The following LAMA2 variants were observed in gnomAD, a reference collection of about 807,000 sequenced individuals.
LAMA2 encodes laminin subunit alpha-2.
A neutral mutation model predicts 364.8 loss-of-function variants in LAMA2; 269 were observed. The observed-to-expected ratio is 0.74, with a 90% CI of 0.67 to 0.82. The LOEUF (loss-of-function observed/expected upper bound fraction) is 0.82, where lower values mean the gene tolerates loss of function less well. LAMA2 is among the 40% of genes least tolerant of loss of function. LAMA2 has a pLI of 0.00. For synonymous variants in LAMA2, 1,379 were observed against 1,370.6 expected (o/e 1.01, Z -0.14); for missense variants, 3,807 against 3,873.2 (o/e 0.98, Z 0.45).
At chr6:129,405,083 A>C (rs977887758) in intron 40 of LAMA2, among the ~76,000 whole-genome samples, 3 of 152,116 alleles carry the variant, frequency 2.0e-5, no homozygotes, top group Non-Finnish European at 1.5e-5. Flanking sequence ...TCTACTTTTC[A>C]AATCTAAACT....
At chr6:129,308,520 G>A (rs1774017604) in intron 22 of LAMA2, among the ~76,000 whole-genome samples, 1 of 152,008 alleles carries the variant, frequency 6.6e-6, no homozygotes, top group African/African-American at 2.4e-5. Flanking sequence ...CATTTTTACT[G>A]ATCATTAGAT....
intron 63 of LAMA2, 144 bp downstream of exon 63, chr6:129,512,637 T>C: frequency 3.2e-6 from 3 of 924,962 alleles, no homozygotes; most frequent in Non-Finnish European, 5.2e-6. Context: ...TTTTCATCCT[T>C]CTGGATTACT....
chr6:129,329,735 C>T lies in LAMA2; in HGVS notation c.4311+1323C>T, dbSNP rs118104220. Among the ~76,000 whole-genome samples, 1,320 of 152,264 alleles carry T rather than the reference C, an allele frequency of 8.7e-3. 14 individuals carry two copies. The highest frequency in any genetic ancestry group is 0.015 in the Non-Finnish European group (1,003 of 68,020). The stretch of plus-strand genomic sequence containing the variant: ...GGTGGGGGCAGGTTTTCCTGCTCCT[C>T]GCTGCCAGTTTCATATTATCCATCC... On this transcript the variant is annotated intron_variant, in intron 29 of 64. Coordinates refer to ENST00000421865, the MANE Select transcript of LAMA2 (RefSeq NM_000426.4).
In LAMA2 at chr6:129,219,667, G is replaced by A. The variant is rs376814034; in HGVS notation, c.1782+26814G>A. Among the ~76,000 whole-genome samples the A allele has an allele frequency of 3.5e-5, 5 of 144,804 alleles. No individual in the cohort carries two copies. In the East Asian group the frequency reaches 1.0e-3, roughly 29 times the overall value. 95.0% of individuals were successfully genotyped at this position (144,804 alleles called of 152,430 possible). A position where few individuals can be genotyped will look rare whatever the true frequency, so the allele number is the denominator to read the frequency against. On this transcript the variant is annotated intron_variant, in intron 12 of 64. Transcript: ENST00000421865. ...CAGCCATAAAAAATGATGAGTTCAT[G>A]TCCTTTGTAGGGACATGGATGAAAT...
At chr6:128,997,342 G>A (rs1324551434) in intron 1 of LAMA2, among the ~76,000 whole-genome samples, 1 of 78,410 alleles carries the variant, frequency 1.3e-5, no homozygotes, top group South Asian at 7.3e-4. Context: ...GAAAGAGAAA[G>A]AAAGAAAGAA....
rs1418610394 is a variant in LAMA2 at position 129,278,363 on chromosome 6, G to A, written c.2451-1698G>A. 3.3e-5 allele frequency among the ~76,000 whole-genome samples: 5 copies of A among 152,270 alleles called. No individual in the cohort carries two copies. The East Asian group carries it at 5.8e-4, about 18-fold the overall frequency. ...GGTGGGAAACCCAGTGCTTCTGGTT[G>A]GAGTCAGTTTCTCAGTAGATGATGA... On this transcript the variant is annotated intron_variant, in intron 17 of 64. Transcript: ENST00000421865.
intron 12 of LAMA2, among the ~76,000 whole-genome samples, chr6:129,225,574 C>A (rs9398899): frequency 0.13 from 20,205 of 152,078 alleles, 3,361 homozygotes; most frequent in African/African-American, 0.39. Flanking sequence ...TTTATTCCAG[C>A]CTTCATTTCG....
chr6:129,144,165 G>T, intron 5 of LAMA2, 85 bp downstream of exon 5: 1 of 1,044,552 alleles, frequency 9.6e-7, no homozygotes, highest in Non-Finnish European at 1.5e-6. Flanking sequence ...AATGTTTTCA[G>T]TGATTTGTAG....
At chr6:128,897,357 T>G (rs1395502609) in intron 1 of LAMA2, among the ~76,000 whole-genome samples, 1 of 152,228 alleles carries the variant, frequency 6.6e-6, no homozygotes, top group Admixed American at 6.5e-5. Flanking sequence ...TCCTTGGAGA[T>G]AGCAATGAAT....
intron 53 of LAMA2, among the ~76,000 whole-genome samples, chr6:129,476,999 A>AT (rs1362103667): frequency 1.3e-5 from 2 of 149,534 alleles, no homozygotes; most frequent in Non-Finnish European, 3.0e-5. Flanking sequence ...TTTCATTAAG[A>AT]TAAAAAAAGG....
chr6:129,303,665 T>A (rs1773683716), intron 22 of LAMA2, among the ~76,000 whole-genome samples: 1 of 152,242 alleles, frequency 6.6e-6, no homozygotes, highest in African/African-American at 2.4e-5. Flanking sequence ...TCTATTGAGA[T>A]GACCATATGA....
At chr6:129,148,281 C>T (rs146199936) in intron 6 of LAMA2, among the ~76,000 whole-genome samples, 62 of 152,206 alleles carry the variant, frequency 4.1e-4, no homozygotes, top group African/African-American at 1.4e-3. Flanking sequence ...TATGTTCTCA[C>T]TCATAAATGA....
chr6:129,336,232 G>A (rs1038258397), intron 29 of LAMA2, among the ~76,000 whole-genome samples: 15 of 152,036 alleles, frequency 9.9e-5, no homozygotes, highest in African/African-American at 3.4e-4. Flanking sequence ...GCCAAGAGCG[G>A]AGGATCCAGG....
chr6:129,054,706 TTATA>T (rs1788344675), intron 2 of LAMA2, among the ~76,000 whole-genome samples: 3 of 148,398 alleles, frequency 2.0e-5, no homozygotes, highest in Non-Finnish European at 4.5e-5. Context: ...TTAAATAAAT[TTATA>T]TAAATAATAT....
Position 129,419,565 on chromosome 6 carries a change from C to T in LAMA2, c.5866-8187C>T, listed in dbSNP as rs150502440. On this transcript the variant is annotated intron_variant, in intron 40 of 64. Transcript: ENST00000421865. ...ACACATAGGTACTGAGCAATTATGT[C>T]TGTCATGCTGTAATTGAGGAAAACC... is the stretch of plus-strand genomic sequence containing the variant. 2.6e-4 allele frequency among the ~76,000 whole-genome samples: 39 copies of T among 152,244 alleles called. No homozygotes were observed. In the East Asian group the frequency reaches 6.6e-3, roughly 26 times the overall value.
chr6:129,416,538 C>T (rs1307893688), intron 40 of LAMA2, among the ~76,000 whole-genome samples: 1 of 152,138 alleles, frequency 6.6e-6, no homozygotes, highest in East Asian at 1.9e-4. Flanking sequence ...TGGCCAGTTC[C>T]ATCGCCCAGA....
intron 12 of LAMA2, among the ~76,000 whole-genome samples, chr6:129,230,817 G>T (rs189136608): frequency 1.4e-3 from 215 of 152,126 alleles, no homozygotes; most frequent in South Asian, 3.1e-3. Flanking sequence ...TAAAACTAGA[G>T]ATTAAAATAA....
chr6:129,129,923 CAAAA>C (rs543305057), intron 4 of LAMA2, among the ~76,000 whole-genome samples: 14 of 76,288 alleles, frequency 1.8e-4, no homozygotes, highest in African/African-American at 4.5e-4. Flanking sequence ...GATTCCGTCT[CAAAA>C]AAAAAAAAAA....
At chr6:129,264,292 AAG>A (rs1358011338) in intron 15 of LAMA2, among the ~76,000 whole-genome samples, 6 of 152,094 alleles carry the variant, frequency 3.9e-5, no homozygotes, top group African/African-American at 1.4e-4. Flanking sequence ...TAAAGAAATA[AAG>A]AGTTTAAGAA....
Sources: allele counts gnomAD v4.1 joint callset (sites outside exome capture counted in the v4.1 genomes callset), GRCh38; gene constraint gnomAD v4.1.1; transcripts MANE v1.5; gene names NCBI Gene and HGNC (gene_info 2026-07-23, HGNC 2026-07-21).